Variants in STXBP4 observed in about 807,000 individuals in gnomAD.
STXBP4 encodes the protein syntaxin binding protein 4.
Under a neutral mutation model 76.1 loss-of-function variants are expected in STXBP4, and 55 were observed. The ratio of observed to expected loss-of-function variants is 0.72; its 90% CI spans 0.58 to 0.91. The LOEUF (loss-of-function observed/expected upper bound fraction) is 0.91, where lower values mean the gene tolerates loss of function less well. STXBP4 is among the 40% of genes least tolerant of loss of function. STXBP4 has a pLI of 0.00. For missense variants in STXBP4, 618 were observed against 636.9 expected, an observed-to-expected ratio of 0.97 and a Z score of 0.32; for synonymous variants, 201 against 220.2, an observed-to-expected ratio of 0.91 and a Z score of 0.77.
At chr17:55,113,223 A>G (rs557531929) in intron 16 of STXBP4, among the ~76,000 whole-genome samples, 31 of 114,946 alleles carry the variant, frequency 2.7e-4, no homozygotes, top group African/African-American at 1.2e-3. Context: ...CTTACCACAC[A>G]CACACACACA....
chr17:55,184,279 T>A, the STXBP4 span, among the ~76,000 whole-genome samples: 1 of 152,244 alleles, frequency 6.6e-6, no homozygotes, highest in African/African-American at 2.4e-5. Flanking sequence ...TGTGACATAT[T>A]ATTTATAACC....
intron 17 of STXBP4, among the ~76,000 whole-genome samples, chr17:55,156,402 C>T (rs1028309901): frequency 2.6e-5 from 4 of 152,196 alleles, no homozygotes; most frequent in African/African-American, 9.6e-5. Flanking sequence ...CCACAGTGCT[C>T]ACTAGGACAT....
In STXBP4 at chr17:55,132,620, A is replaced by G. The variant is rs565486615; in HGVS notation, c.1490-8690A>G. Among the ~76,000 whole-genome samples, 20 of 152,378 alleles carry G rather than the reference A, an allele frequency of 1.3e-4. No homozygotes were observed. The South Asian group carries it at 4.1e-3, about 32-fold the overall frequency. ...TAAACATTGATTCCTTAATTCAGCA[A>G]CTAAGAACCTATCATGTGCCACAAG... On this transcript the variant is annotated intron_variant, in intron 16 of 17. Coordinates refer to ENST00000376352, the MANE Select transcript of STXBP4 (RefSeq NM_178509.6).
chr17:55,020,243 T>G (rs1213648648), intron 8 of STXBP4, among the ~76,000 whole-genome samples: 3 of 152,214 alleles, frequency 2.0e-5, no homozygotes, highest in Admixed American at 6.5e-5. Context: ...CAACTCTTTC[T>G]TCTACACATT....
At chr17:55,211,816 T>TG in the STXBP4 span, among the ~76,000 whole-genome samples, 2 of 133,484 alleles carry the variant, frequency 1.5e-5, no homozygotes, top group African/African-American at 2.8e-5. Flanking sequence ...TTTTTTTTTT[T>TG]TTTTTTTTTT....
At chr17:55,208,912 T>G in the STXBP4 span, among the ~76,000 whole-genome samples, 2 of 149,592 alleles carry the variant, frequency 1.3e-5, no homozygotes, top group Admixed American at 1.3e-4. Context: ...TAAAACTCTG[T>G]CTCTACAGAA....
intron 16 of STXBP4, among the ~76,000 whole-genome samples, chr17:55,137,870 A>C (rs953622476): frequency 6.6e-6 from 1 of 152,090 alleles, no homozygotes; most frequent in African/African-American, 2.4e-5. Context: ...CTGTCTCTTC[A>C]CACCATCAAT....
At chr17:55,151,493 A>G (rs932019825) in intron 17 of STXBP4, among the ~76,000 whole-genome samples, 2 of 152,200 alleles carry the variant, frequency 1.3e-5, no homozygotes, top group African/African-American at 4.8e-5. Context: ...ACAGGGCCAG[A>G]GGTCTTCTTT....
At chr17:55,109,853 G>A (rs1393022224) in intron 16 of STXBP4, among the ~76,000 whole-genome samples, 5 of 152,044 alleles carry the variant, frequency 3.3e-5, no homozygotes, top group African/African-American at 1.2e-4. Context: ...TGGCCAGGCT[G>A]GTTTTGAACT....
chr17:55,193,719 T>C, the STXBP4 span, among the ~76,000 whole-genome samples: 1 of 151,502 alleles, frequency 6.6e-6, no homozygotes, highest in East Asian at 2.0e-4. Context: ...ACTTCAAAAA[T>C]TTGGAGAATT....
chr17:55,052,944 T>G (rs2078878383), intron 12 of STXBP4, among the ~76,000 whole-genome samples: 3 of 140,226 alleles, frequency 2.1e-5, no homozygotes, highest in South Asian at 5.0e-4. Context: ...TGTGTGTGTG[T>G]GTGTGTGGGT....
At chr17:54,988,501 C>T (rs1053953927) in intron 3 of STXBP4, among the ~76,000 whole-genome samples, 34 of 152,128 alleles carry the variant, frequency 2.2e-4, no homozygotes, top group African/African-American at 8.0e-4. Flanking sequence ...TGGCCAGGGG[C>T]GGTGCCTCAT....
chr17:55,073,196 C>A, intron 13 of STXBP4, 120 bp downstream of exon 13: 2 of 882,208 alleles, frequency 2.3e-6, no homozygotes, highest in Non-Finnish European at 3.6e-6. Flanking sequence ...TTCTATTATT[C>A]AATGATAGGA....
chr17:55,134,135 G>T (rs1210322318), intron 16 of STXBP4, among the ~76,000 whole-genome samples: 1 of 152,038 alleles, frequency 6.6e-6, no homozygotes, highest in Non-Finnish European at 1.5e-5. Context: ...AAGATGGGAG[G>T]ATTGCATGAG....
chr17:55,141,236 G>A, intron 16 of STXBP4, 74 bp from the exon 17 acceptor site: 1 of 1,177,418 alleles, frequency 8.5e-7, no homozygotes, highest in Non-Finnish European at 1.2e-6. Context: ...TAAAGATGAG[G>A]GAGGTTTGTG....
At chr17:55,061,448 C>A (rs921113416) in intron 12 of STXBP4, among the ~76,000 whole-genome samples, 8 of 152,110 alleles carry the variant, frequency 5.3e-5, no homozygotes, top group African/African-American at 1.9e-4. Flanking sequence ...GCTATCTCAT[C>A]TTCAGAGGGA....
intron 16 of STXBP4, among the ~76,000 whole-genome samples, chr17:55,097,507 T>A (rs547720913): frequency 1.3e-5 from 2 of 151,784 alleles, no homozygotes; most frequent in African/African-American, 4.8e-5. Flanking sequence ...ACTAAAAATA[T>A]AAAAAATTAG....
chr17:55,199,929 G>A, the STXBP4 span, among the ~76,000 whole-genome samples: 6 of 152,262 alleles, frequency 3.9e-5, no homozygotes, highest in South Asian at 6.2e-4. Context: ...GGGCCTTGGC[G>A]CATGCCCTGA....
At chr17:54,971,662 A>G (rs1184171692) in intron 1 of STXBP4, among the ~76,000 whole-genome samples, 1 of 152,206 alleles carries the variant, frequency 6.6e-6, no homozygotes, top group Non-Finnish European at 1.5e-5. Context: ...CATTTGTCCC[A>G]ATCATTTCCA....
Sources: allele counts gnomAD v4.1 joint callset (sites outside exome capture counted in the v4.1 genomes callset), GRCh38; gene constraint gnomAD v4.1.1; transcripts MANE v1.5; gene names NCBI Gene and HGNC (gene_info 2026-07-23, HGNC 2026-07-21).